SPOPL: variants seen among roughly 807,000 people sequenced by gnomAD.
The protein encoded by SPOPL is speckle-type POZ protein-like.
A neutral mutation model predicts 53.8 loss-of-function variants in SPOPL; 23 were observed. The observed-to-expected ratio is 0.43, with a 90% CI of 0.31 to 0.61. The LOEUF (loss-of-function observed/expected upper bound fraction) is 0.61, where lower values mean the gene tolerates loss of function less well. Among genes scored for constraint, SPOPL ranks in the 20% least tolerant of loss-of-function variants. The pLI, the probability that SPOPL is intolerant of heterozygous loss-of-function variation, is 0.12. For missense variants in SPOPL, 442 were observed against 466.9 expected (o/e 0.95, Z 0.49); for synonymous variants, 164 against 149.7 (o/e 1.10, Z -0.70).
intron 1 of SPOPL, among the ~76,000 whole-genome samples, chr2:138,506,431 T>C (rs1055360418): frequency 2.0e-5 from 3 of 152,216 alleles, no homozygotes; most frequent in Non-Finnish European, 4.4e-5. Flanking sequence ...TGAGATTAGC[T>C]GTTACAATAA....
chr2:138,530,076 G>C (rs1218605708), intron 1 of SPOPL, among the ~76,000 whole-genome samples: 3 of 152,108 alleles, frequency 2.0e-5, no homozygotes, highest in Non-Finnish European at 4.4e-5. Context: ...TGTGGTATTT[G>C]GTTTTCTGTT....
intron 5 of SPOPL, among the ~76,000 whole-genome samples, chr2:138,557,359 A>C (rs1685449476): frequency 6.6e-6 from 1 of 152,236 alleles, no homozygotes; most frequent in African/African-American, 2.4e-5. Context: ...AAAAGCGGTT[A>C]ATAAAAATAT....
chr2:138,566,334 A>G (rs1229326484), intron 10 of SPOPL, among the ~76,000 whole-genome samples: 1 of 152,116 alleles, frequency 6.6e-6, no homozygotes, highest in African/African-American at 2.4e-5. Flanking sequence ...GTACTTAGCC[A>G]TTTTCAAGCT....
intron 1 of SPOPL, among the ~76,000 whole-genome samples, chr2:138,520,587 G>A (rs1173528014): frequency 6.6e-6 from 1 of 152,206 alleles, no homozygotes; most frequent in Non-Finnish European, 1.5e-5. Context: ...TTCAAATTAT[G>A]AGGTTAGAGG....
In SPOPL at chr2:138,542,034, T is replaced by A. The variant is rs188004121; in HGVS notation, c.-60-8123T>A. On this transcript the variant is annotated intron_variant, in intron 1 of 10. Coordinates refer to ENST00000280098, the MANE Select transcript of SPOPL (RefSeq NM_001001664.3). Reference sequence around the variant, plus strand: ...AGGAGCAGGTTGTTCAGTTTCCATGTAATTGAGTGGTTTTGAGTGAGTTTC... The same window carrying A: ...AGGAGCAGGTTGTTCAGTTTCCATGAAATTGAGTGGTTTTGAGTGAGTTTC... Among the ~76,000 whole-genome samples the A allele has an allele frequency of 2.4e-4, 37 of 152,332 alleles. No individual in the cohort carries two copies. The East Asian group carries it at 6.6e-3, about 27-fold the overall frequency.
chr2:138,524,950 C>T (rs74502654), intron 1 of SPOPL, among the ~76,000 whole-genome samples: 1,776 of 152,084 alleles, frequency 0.012, 39 homozygotes, highest in African/African-American at 0.04. Context: ...CTTCTGAGCC[C>T]TCCAGACCGT....
intron 3 of SPOPL, 32 bp downstream of exon 3, chr2:138,550,636 T>C (rs1169963760): frequency 6.3e-7 from 1 of 1,580,880 alleles, no homozygotes. Flanking sequence ...AATTTTTGTT[T>C]TTTGTTTTTG....
At chr2:138,542,651 C>T (rs1278880175) in intron 1 of SPOPL, among the ~76,000 whole-genome samples, 1 of 152,116 alleles carries the variant, frequency 6.6e-6, no homozygotes, top group Non-Finnish European at 1.5e-5. Flanking sequence ...GATGGGTTTC[C>T]TGAATACAGC....
chr2:138,527,258 C>T (rs903836003), intron 1 of SPOPL, among the ~76,000 whole-genome samples: 1 of 152,038 alleles, frequency 6.6e-6, no homozygotes, highest in Admixed American at 6.5e-5. Flanking sequence ...TTGTGTCTCC[C>T]TTCAGATTAT....
chr2:138,526,451 T>G (rs745431821), intron 1 of SPOPL, among the ~76,000 whole-genome samples: 34 of 152,160 alleles, frequency 2.2e-4, no homozygotes, highest in Non-Finnish European at 4.0e-4. Context: ...GTATCAGGAT[T>G]TATTAGAAAT....
chr2:138,528,584 A>G (rs538977368), intron 1 of SPOPL, among the ~76,000 whole-genome samples: 5 of 152,360 alleles, frequency 3.3e-5, no homozygotes, highest in African/African-American at 9.6e-5. Flanking sequence ...CTTGAACCAT[A>G]TGCATTTTTC....
At chr2:138,550,761 G>C (rs1685296319) in intron 3 of SPOPL, 142 bp from the exon 4 acceptor site, 1 of 1,397,056 alleles carries the variant, frequency 7.2e-7, no homozygotes, top group Admixed American at 2.4e-5. Flanking sequence ...ATAAAGAACT[G>C]TGAGGATGTT....
chr2:138,544,660 TTC>T (rs1685152389), intron 1 of SPOPL, among the ~76,000 whole-genome samples: 1 of 152,206 alleles, frequency 6.6e-6, no homozygotes, highest in African/African-American at 2.4e-5. Context: ...GGAAAGGGAA[TTC>T]CCTGACCCCT....
intron 5 of SPOPL, among the ~76,000 whole-genome samples, chr2:138,558,126 A>C (rs1208747313): frequency 6.6e-6 from 1 of 152,174 alleles, no homozygotes; most frequent in Non-Finnish European, 1.5e-5. Context: ...ACTCCACTGC[A>C]CTCTAGCCTA....
intron 1 of SPOPL, among the ~76,000 whole-genome samples, chr2:138,527,655 C>T (rs1193200062): frequency 6.6e-6 from 1 of 152,112 alleles, no homozygotes; most frequent in Non-Finnish European, 1.5e-5. Flanking sequence ...TATGAGAGTT[C>T]TTTGTTAATT....
intron 1 of SPOPL, among the ~76,000 whole-genome samples, chr2:138,539,194 G>T (rs1329222275): frequency 6.6e-6 from 1 of 152,102 alleles, no homozygotes; most frequent in East Asian, 1.9e-4. Flanking sequence ...ATTGTGAATA[G>T]TGCTGCAATA....
chr2:138,511,449 GAGA>G (rs1219728063), intron 1 of SPOPL, among the ~76,000 whole-genome samples: 1 of 152,196 alleles, frequency 6.6e-6, no homozygotes, highest in Non-Finnish European at 1.5e-5. Flanking sequence ...TTTATTAAAA[GAGA>G]AGAAGTACCC....
chr2:138,555,130 G>GT (rs1685393778), intron 5 of SPOPL, among the ~76,000 whole-genome samples: 1 of 109,878 alleles, frequency 9.1e-6, no homozygotes, highest in African/African-American at 3.7e-5. Flanking sequence ...GAGGGTAGGA[G>GT]GGTGTGTGTG....
chr2:138,520,588 A>G (rs567751396), intron 1 of SPOPL, among the ~76,000 whole-genome samples: 3 of 152,266 alleles, frequency 2.0e-5, no homozygotes, highest in Admixed American at 2.0e-4. Flanking sequence ...TCAAATTATG[A>G]GGTTAGAGGC....
Sources: gnomAD v4.1 joint callset for allele counts (sites outside exome capture counted in the v4.1 genomes callset) on GRCh38, gnomAD v4.1.1 for gene constraint, MANE v1.5 for transcripts, NCBI Gene and HGNC (gene_info 2026-07-23, HGNC 2026-07-21) for gene names.